The following ADAM23 variants were observed in gnomAD, a reference collection of about 807,000 sequenced individuals.
The protein encoded by ADAM23 is ADAM metallopeptidase domain 23.
A neutral mutation model predicts 120.1 loss-of-function variants in ADAM23; 33 were observed. That is an observed-to-expected ratio of 0.27 (90% confidence interval 0.21 to 0.37). ADAM23 has a LOEUF of 0.37. Ranked by LOEUF, ADAM23 falls within the 10% of genes least tolerant of loss-of-function variation. The probability of loss-of-function intolerance (pLI) is 1.00; values close to 1 mark genes in which losing one functional copy is unlikely to be tolerated. For missense variants in ADAM23, 862 were observed against 1,058.2 expected, an observed-to-expected ratio of 0.81 and a Z score of 2.57; for synonymous variants, 367 against 375.2, an observed-to-expected ratio of 0.98 and a Z score of 0.25.
At chr2:206,563,872 G>A (rs1283470046) in intron 13 of ADAM23, among the ~76,000 whole-genome samples, 2 of 151,814 alleles carry the variant, frequency 1.3e-5, no homozygotes, top group African/African-American at 2.4e-5. Context: ...CAGGACTACA[G>A]GTGCCCACCA....
chr2:206,530,669 CTTT>C (rs56206262), intron 3 of ADAM23, among the ~76,000 whole-genome samples: 2 of 74,836 alleles, frequency 2.7e-5, no homozygotes, highest in African/African-American at 1.0e-4. Context: ...TGTGTCTTGT[CTTT>C]TTTTTTTTTT....
At position 206,444,000 on chromosome 2, in the gene ADAM23, G is replaced by T. The variant is rs766287345; in HGVS notation, c.134G>T (p.Arg45Leu). The T allele has an allele frequency of 2.1e-5, 30 of 1,401,486 alleles. No homozygotes were observed. The highest frequency in any genetic ancestry group is 2.6e-5 in the Non-Finnish European group (28 of 1,073,896). The allele number at this position is 1,401,486 out of a possible 1,614,324, so 86.8% of individuals were successfully genotyped here. A position where few individuals can be genotyped will look rare whatever the true frequency, so the allele number is the denominator to read the frequency against. Residue 45 changes from arginine (R) to leucine (L), a missense_variant, in exon 1 of 26, where the codon CGC becomes CTC. This residue lies in a region of ADAM23 where 225 missense variants were observed against 204.0 expected (regional missense o/e 1.10). Coordinates refer to ENST00000264377, the MANE Select transcript of ADAM23 (RefSeq NM_003812.4). ...ASAPARTPPC[R>L]LLLVLLLLPP... The stretch of plus-strand genomic sequence containing the variant: ...GCCCCGGCCCGCACGCCGCCCTGCC[G>T]CCTGCTTCTCGTCCTTCTCCTGCTG...
At position 206,445,340 on chromosome 2, in the gene ADAM23, T is replaced by C. The variant is rs757356073; in HGVS notation, c.248T>C (p.Leu83Ser). 1.9e-5 allele frequency: 30 copies of C among 1,613,874 alleles called. No individual in the cohort carries two copies. The highest frequency in any genetic ancestry group is 1.9e-5 in the Non-Finnish European group (23 of 1,179,970). ...TGGAATGAAACTGCAGAAAAAAATT[T>C]GGGAGTCCTGGCAGATGAAGACAAT... ...PHWNETAEKN[L>S]GVLADEDNTL... The change falls in exon 2 of 26, where the codon TTG (leucine) becomes TCG (serine). Residue 83 changes from leucine to serine, a missense_variant. Transcript: ENST00000264377.
intron 2 of ADAM23, among the ~76,000 whole-genome samples, chr2:206,465,902 T>C (rs1351456248): frequency 6.6e-6 from 1 of 152,176 alleles, no homozygotes; most frequent in East Asian, 1.9e-4. Context: ...AATTATGAAA[T>C]TGGTAAGAGA....
At chr2:206,585,793 T>G (rs539282592) in intron 18 of ADAM23, among the ~76,000 whole-genome samples, 4 of 151,914 alleles carry the variant, frequency 2.6e-5, no homozygotes, top group African/African-American at 9.7e-5. Flanking sequence ...ACTTATGAAT[T>G]GTCAGTTGGT....
chr2:206,612,512 G>A (rs1399817627), intron 25 of ADAM23, among the ~76,000 whole-genome samples: 1 of 152,144 alleles, frequency 6.6e-6, no homozygotes, highest in African/African-American at 2.4e-5. Flanking sequence ...AGAAAAGTTG[G>A]TAAGGTAACC....
intron 3 of ADAM23, among the ~76,000 whole-genome samples, chr2:206,519,617 CT>C (rs1696804812): frequency 6.6e-6 from 1 of 152,120 alleles, no homozygotes. Flanking sequence ...TCTTTCTCTT[CT>C]TGGTAGGTTG....
At chr2:206,506,497 G>C (rs1179756703) in intron 3 of ADAM23, among the ~76,000 whole-genome samples, 2 of 152,212 alleles carry the variant, frequency 1.3e-5, no homozygotes, top group Non-Finnish European at 1.5e-5. Context: ...TTCAGTTTAG[G>C]AGTCTTTCTC....
chr2:206,538,357 C>T (rs1559253939), intron 4 of ADAM23, among the ~76,000 whole-genome samples: 1 of 152,110 alleles, frequency 6.6e-6, no homozygotes, highest in African/African-American at 2.4e-5. Context: ...TTGTTATCAG[C>T]TCACTGATTT....
intron 18 of ADAM23, among the ~76,000 whole-genome samples, chr2:206,577,795 G>A (rs1305487871): frequency 6.6e-6 from 1 of 151,720 alleles, no homozygotes; most frequent in Non-Finnish European, 1.5e-5. Context: ...GGATGGCTTG[G>A]TCAAATGGTA....
At chr2:206,558,985 C>T (rs1382628586) in intron 10 of ADAM23, among the ~76,000 whole-genome samples, 2 of 152,130 alleles carry the variant, frequency 1.3e-5, no homozygotes, top group African/African-American at 4.8e-5. Flanking sequence ...TGCTCTGTTG[C>T]CCAGGCTGGA....
intron 9 of ADAM23, among the ~76,000 whole-genome samples, chr2:206,552,462 C>T (rs1027258575): frequency 6.6e-6 from 1 of 151,876 alleles, no homozygotes; most frequent in Non-Finnish European, 1.5e-5. Flanking sequence ...TATTTTTTAA[C>T]CCTTCTCAAT....
At chr2:206,528,934 A>G (rs1334931413) in intron 3 of ADAM23, among the ~76,000 whole-genome samples, 6 of 152,192 alleles carry the variant, frequency 3.9e-5, no homozygotes. Context: ...TACCTGTGCC[A>G]TAGTAAGTGG....
intron 2 of ADAM23, among the ~76,000 whole-genome samples, chr2:206,458,677 T>A (rs1040932109): frequency 2.0e-5 from 3 of 152,204 alleles, no homozygotes; most frequent in Non-Finnish European, 4.4e-5. Context: ...ATTGTCAGGA[T>A]GGGTATGGTA....
chr2:206,571,943 G>A, intron 17 of ADAM23, 127 bp downstream of exon 17: 2 of 700,158 alleles, frequency 2.9e-6, no homozygotes, highest in South Asian at 2.0e-5. Context: ...TAGCCTGGCA[G>A]TTTTCTAGGA....
At chr2:206,459,715 T>G (rs1451286285) in intron 2 of ADAM23, among the ~76,000 whole-genome samples, 1 of 152,180 alleles carries the variant, frequency 6.6e-6, no homozygotes, top group African/African-American at 2.4e-5. Flanking sequence ...AAAATGGAAC[T>G]CTTGATTGTA....
chr2:206,458,363 A>G (rs1695343427), intron 2 of ADAM23, among the ~76,000 whole-genome samples: 1 of 152,222 alleles, frequency 6.6e-6, no homozygotes. Flanking sequence ...AAGGAGATTT[A>G]AGGGTAATTG....
chr2:206,528,537 G>A (rs1013186123), intron 3 of ADAM23, among the ~76,000 whole-genome samples: 8 of 152,098 alleles, frequency 5.3e-5, no homozygotes, highest in Non-Finnish European at 7.4e-5. Flanking sequence ...CAGGACATAC[G>A]CAGGACATAC....
At chr2:206,590,377 C>T (rs888897968) in intron 21 of ADAM23, among the ~76,000 whole-genome samples, 1 of 152,076 alleles carries the variant, frequency 6.6e-6, no homozygotes, top group South Asian at 2.1e-4. Context: ...GGATTATGGG[C>T]GTGAGTCACC....
Sources: gnomAD v4.1 joint callset for allele counts (sites outside exome capture counted in the v4.1 genomes callset) on GRCh38, gnomAD v4.1.1 for gene constraint, gnomAD v4.1.1 regional missense constraint, MANE v1.5 for transcripts, NCBI Gene and HGNC (gene_info 2026-07-23, HGNC 2026-07-21) for gene names.